Variants in NMD3 observed in about 807,000 individuals in gnomAD.
The protein encoded by NMD3 is 60S ribosomal export protein NMD3.
A neutral mutation model predicts 73.1 loss-of-function variants in NMD3; 47 were observed. That is an observed-to-expected ratio of 0.64 (90% CI 0.51 to 0.82). The LOEUF (loss-of-function observed/expected upper bound fraction) is 0.82, where lower values mean the gene tolerates loss of function less well. Ranked by LOEUF, NMD3 falls within the 40% of genes least tolerant of loss-of-function variation. The pLI, the probability that NMD3 is intolerant of heterozygous loss-of-function variation, is 0.00. For synonymous variants in NMD3, 210 were observed against 194.5 expected (o/e 1.08, Z -0.66); for missense variants, 554 against 612.5 (o/e 0.90, Z 1.01).
chr3:161,227,002 A>G (rs1030151310), intron 3 of NMD3, among the ~76,000 whole-genome samples: 4 of 152,230 alleles, frequency 2.6e-5, no homozygotes, highest in African/African-American at 9.6e-5. Context: ...GATTAAAGTA[A>G]TAAGATCACT....
rs540701331 is a variant in NMD3, at chr3:161,247,131, C to G, written c.1131-127C>G. The G allele has an allele frequency of 5.0e-6, 3 of 600,650 alleles. No homozygotes were observed. The South Asian group carries it at 6.6e-5, about 13-fold the overall frequency. The allele number at this position is 600,650 out of a possible 1,614,324, so 37.2% of individuals were successfully genotyped here. Reference sequence around the variant, plus strand: ...AGCATGTTCATTGTGTAATAAATGACAGAACTTTTAAAGTGAGAAGCATAT... The same window carrying G: ...AGCATGTTCATTGTGTAATAAATGAGAGAACTTTTAAAGTGAGAAGCATAT... On this transcript the variant is annotated intron_variant, in intron 12 of 15. Coordinates refer to ENST00000351193, the MANE Select transcript of NMD3 (RefSeq NM_015938.5).
chr3:161,227,481 CACCTGG>C, intron 4 of NMD3, 138 bp downstream of exon 4: 1 of 533,976 alleles, frequency 1.9e-6, no homozygotes. Context: ...CTTGAACTGT[CACCTGG>C]GCTAGGCTAG....
chr3:161,228,076 T>G (rs1242293237), intron 4 of NMD3, among the ~76,000 whole-genome samples: 1 of 152,180 alleles, frequency 6.6e-6, no homozygotes, highest in Non-Finnish European at 1.5e-5. Flanking sequence ...AAAAAATAGT[T>G]TGTTTAAAGT....
At position 161,238,717 on chromosome 3, in the gene NMD3, T is replaced by A. The variant is rs773774948; in HGVS notation, c.657-13T>A. ...CTTTGTCTTTATATTACTACTAACT[T>A]TTTTCTTAATAGATACAAAGCATCA... On this transcript the variant is annotated splice_polypyrimidine_tract_variant and intron_variant, in intron 8 of 15. Transcript: ENST00000351193. 1 of 1,322,088 alleles carries A rather than the reference T, an allele frequency of 7.6e-7. No individual in the cohort carries two copies. Among genetic ancestry groups the A allele is most frequent in the Non-Finnish European group, 1.1e-6 (1 of 917,014 alleles). The allele number at this position is 1,322,088 out of a possible 1,614,324, so 81.9% of individuals were successfully genotyped here.
At chr3:161,223,669 A>G (rs564426695) in intron 2 of NMD3, among the ~76,000 whole-genome samples, 16 of 152,326 alleles carry the variant, frequency 1.1e-4, no homozygotes, top group African/African-American at 3.8e-4. Flanking sequence ...CACCTAAGCT[A>G]TGGTCCTCTG....
Position 161,224,995 on chromosome 3 carries a change from G to A in NMD3, c.110G>A (p.Arg37Gln), listed in dbSNP as rs375036648. The change falls in exon 3 of 16, where the codon CGA becomes CAA. Residue 37 changes from arginine (R) to glutamine (Q), a missense_variant. By Grantham distance (43) the Arg-to-Gln change is conservative (BLOSUM62 1). Coordinates refer to ENST00000351193, the MANE Select transcript of NMD3 (RefSeq NM_015938.5). Reference sequence around the variant, plus strand: ...GCCAATATTTGTGTGGCCTGTTTGCGAAGTAAAGTGGACATCAGCCAAGGT... The same window carrying A: ...GCCAATATTTGTGTGGCCTGTTTGCAAAGTAAAGTGGACATCAGCCAAGGT... ...NPANICVACL[R>Q]SKVDISQGIP... 1.2e-5 allele frequency: 19 copies of A among 1,613,724 alleles called. No individual in the cohort carries two copies. Among genetic ancestry groups the A allele is most frequent in the African/African-American group, 2.7e-5 (2 of 74,852 alleles).
chr3:161,229,177 T>C (rs1447534276), intron 4 of NMD3, among the ~76,000 whole-genome samples: 1 of 152,180 alleles, frequency 6.6e-6, no homozygotes, highest in Non-Finnish European at 1.5e-5. Flanking sequence ...TAGGCCCTTA[T>C]AGGGGCTGTT....
chr3:161,235,814 A>T (rs1736733826), intron 7 of NMD3, among the ~76,000 whole-genome samples: 2 of 152,094 alleles, frequency 1.3e-5, no homozygotes, highest in South Asian at 4.1e-4. Context: ...TCTTGGTATA[A>T]AATTGAACAA....
At chr3:161,234,131 T>C (rs1054780216) in intron 5 of NMD3, among the ~76,000 whole-genome samples, 8 of 152,130 alleles carry the variant, frequency 5.3e-5, no homozygotes, top group African/African-American at 1.9e-4. Flanking sequence ...TTTTGAGAAG[T>C]TTTCCTTATT....
chr3:161,235,031 A>G lies in NMD3; in HGVS notation c.487-91A>G, dbSNP rs1000918271. 1.7e-5 allele frequency: 15 copies of G among 883,748 alleles called. 1 individual carries two copies. The highest frequency in any genetic ancestry group is 2.3e-4 in the Middle Eastern group (1 of 4,280). The allele number at this position is 883,748 out of a possible 1,614,324, so 54.7% of individuals were successfully genotyped here. ...AAAGATTGTTATTGTTTGAAAAATCAGTATGCTCTATCTGTAGATAGTATG... is the reference window on the plus strand; with the variant it reads ...AAAGATTGTTATTGTTTGAAAAATCGGTATGCTCTATCTGTAGATAGTATG... On this transcript the variant is annotated intron_variant, in intron 6 of 15. Coordinates refer to ENST00000351193, the MANE Select transcript of NMD3 (RefSeq NM_015938.5).
At chr3:161,236,723 CTT>C (rs142271205) in intron 7 of NMD3, among the ~76,000 whole-genome samples, 1,963 of 152,168 alleles carry the variant, frequency 0.013, 44 homozygotes, top group African/African-American at 0.045. Context: ...AGGTCTAACT[CTT>C]GAGTTAATTT....
chr3:161,242,132 C>T (rs1028354359), intron 10 of NMD3, among the ~76,000 whole-genome samples: 2 of 152,030 alleles, frequency 1.3e-5, no homozygotes, highest in African/African-American at 2.4e-5. Context: ...CTTTACCTAT[C>T]TGGTAGAACT....
chr3:161,222,467 C>T (rs977646217), intron 2 of NMD3, among the ~76,000 whole-genome samples: 1 of 151,984 alleles, frequency 6.6e-6, no homozygotes, highest in Non-Finnish European at 1.5e-5. Context: ...GCCTCAGCCT[C>T]CCGAGTAGCT....
At chr3:161,241,220 A>T in intron 10 of NMD3, 57 bp downstream of exon 10, 1 of 992,268 alleles carries the variant, frequency 1.0e-6, no homozygotes. Context: ...AAACAATAAT[A>T]ATTTGTGTTG....
intron 13 of NMD3, among the ~76,000 whole-genome samples, chr3:161,248,681 A>G (rs1370032824): frequency 6.6e-6 from 1 of 152,206 alleles, no homozygotes; most frequent in Non-Finnish European, 1.5e-5. Flanking sequence ...CTTGGAAAAA[A>G]ACTATTAATT....
Position 161,241,159 on chromosome 3 carries a change from A to G in NMD3, c.867A>G (p.Leu289=), listed in dbSNP as rs747120310. 2.5e-6 allele frequency: 4 copies of G among 1,570,272 alleles called. No homozygotes were observed. Among genetic ancestry groups the G allele is most frequent in the Non-Finnish European group, 2.6e-6 (3 of 1,142,542 alleles). ...TTCACCTCATTGATCCAAACACCCT[A>G]CAAGGTAAATTCTGGAAATGATTTG... ...SAIHLIDPNT[L]QVADIDGSTF... is the part of the protein sequence containing the mutation. Residue 289 remains leucine, a synonymous_variant, in exon 10 of 16, where the codon CTA becomes CTG. Transcript: ENST00000351193.
At chr3:161,237,644 A>G (rs1255481524) in intron 7 of NMD3, among the ~76,000 whole-genome samples, 1 of 148,126 alleles carries the variant, frequency 6.8e-6, no homozygotes, top group Non-Finnish European at 1.5e-5. Context: ...GATTCAAGCG[A>G]TTCTCCTGCC....
intron 4 of NMD3, among the ~76,000 whole-genome samples, chr3:161,228,051 G>A (rs142240891): frequency 1.8e-3 from 274 of 150,590 alleles, no homozygotes; most frequent in Non-Finnish European, 3.3e-3. Flanking sequence ...GAAAGTCAGT[G>A]CATAAATGTA....
Position 161,252,176 on chromosome 3 carries a change from T to A in NMD3, c.*1266T>A, listed in dbSNP as rs1045576345. The A allele has an allele frequency of 2.0e-5, 3 of 152,180 alleles. No homozygotes were observed. Among genetic ancestry groups the A allele is most frequent in the African/African-American group, 7.2e-5 (3 of 41,438 alleles). The allele number at this position is 152,180 out of a possible 1,614,324, so 9.4% of individuals were successfully genotyped here. A position where few individuals can be genotyped will look rare whatever the true frequency, so the allele number is the denominator to read the frequency against. On this transcript the variant is annotated 3_prime_UTR_variant, in exon 16 of 16. Coordinates refer to ENST00000351193, the MANE Select transcript of NMD3 (RefSeq NM_015938.5). ...TTGGTGGTGGCCTGGTAGGAATGGC[T>A]TGTCCTAGTTCTTCAAAGGTAAGAT...
Sources: allele counts gnomAD v4.1 joint callset (sites outside exome capture counted in the v4.1 genomes callset), GRCh38; gene constraint gnomAD v4.1.1; transcripts MANE v1.5; gene names NCBI Gene and HGNC (gene_info 2026-07-23, HGNC 2026-07-21).